The following RBFOX1 variants were observed in gnomAD, a reference collection of about 807,000 sequenced individuals.
RBFOX1 encodes RNA binding fox-1 homolog 1.
In RBFOX1, 8 loss-of-function variants were observed where a neutral mutation model predicts 57.7. The ratio of observed to expected loss-of-function variants is 0.14; its 90% CI spans 0.08 to 0.25. The LOEUF is 0.25. RBFOX1 is among the 10% of genes least tolerant of loss of function. The pLI is 1.00. For synonymous variants in RBFOX1, 326 were observed against 222.4 expected (o/e 1.47, Z -4.15); for missense variants, 611 against 548.5 (o/e 1.11, Z -1.14).
At chr16:7,659,648 G>A (rs1443547909) in intron 12 of RBFOX1, among the ~76,000 whole-genome samples, 1 of 152,176 alleles carries the variant, frequency 6.6e-6, no homozygotes, top group Non-Finnish European at 1.5e-5. Flanking sequence ...GATTTGTGTT[G>A]GGGCTGCATT....
intron 4 of RBFOX1, among the ~76,000 whole-genome samples, chr16:7,344,584 GATA>G (rs1037763172): frequency 3.3e-5 from 5 of 151,338 alleles, no homozygotes; most frequent in African/African-American, 9.7e-5. Context: ...TAATATAAAT[GATA>G]ATAATAATTA....
chr16:7,607,652 C>G (rs1055225971), intron 10 of RBFOX1, among the ~76,000 whole-genome samples: 1 of 152,092 alleles, frequency 6.6e-6, no homozygotes, highest in Non-Finnish European at 1.5e-5. Context: ...CTGCTCACAC[C>G]CATTGTATTT....
chr16:6,877,626 A>G (rs1375227538), intron 3 of RBFOX1, among the ~76,000 whole-genome samples: 1 of 152,174 alleles, frequency 6.6e-6, no homozygotes. Context: ...ATTGCTTTAG[A>G]GTTCACAAAG....
chr16:6,940,884 T>TGTTTGTGG (rs1264502678), intron 3 of RBFOX1, among the ~76,000 whole-genome samples: 3 of 150,376 alleles, frequency 2.0e-5, no homozygotes, highest in Non-Finnish European at 4.4e-5. Flanking sequence ...TGTGTGTGTG[T>TGTTTGTGG]GTGTGTTAGA....
intron 3 of RBFOX1, among the ~76,000 whole-genome samples, chr16:6,672,519 G>A (rs570635494): frequency 6.7e-6 from 1 of 150,178 alleles, no homozygotes; most frequent in South Asian, 2.1e-4. Context: ...GAAGATGGGA[G>A]AAAAAAGAAA....
chr16:7,593,649 G>A (rs1441195651), intron 7 of RBFOX1, among the ~76,000 whole-genome samples: 1 of 150,680 alleles, frequency 6.6e-6, no homozygotes, highest in African/African-American at 2.5e-5. Flanking sequence ...GAACTGTGCA[G>A]GTCCACTTAC....
At chr16:7,040,972 A>G (rs184801226) in intron 3 of RBFOX1, among the ~76,000 whole-genome samples, 33 of 151,554 alleles carry the variant, frequency 2.2e-4, no homozygotes, top group South Asian at 4.2e-4. Context: ...CTGGAGTGCA[A>G]TGATGCAATC....
intron 4 of RBFOX1, among the ~76,000 whole-genome samples, chr16:5,915,514 C>A (rs1405010087): frequency 3.3e-5 from 5 of 152,126 alleles, no homozygotes. Flanking sequence ...AGAGGACCTA[C>A]TTTTAGTAGG....
intron 3 of RBFOX1, among the ~76,000 whole-genome samples, chr16:6,699,542 A>G (rs1428966984): frequency 6.6e-6 from 1 of 152,194 alleles, no homozygotes; most frequent in Admixed American, 6.5e-5. Flanking sequence ...CTGGTTGGGC[A>G]CTCCAGTAAC....
At chr16:6,837,576 G>A (rs1603630662) in intron 3 of RBFOX1, among the ~76,000 whole-genome samples, 1 of 152,178 alleles carries the variant, frequency 6.6e-6, no homozygotes, top group African/African-American at 2.4e-5. Context: ...GCTCAGACTG[G>A]TTTTGAGCCT....
chr16:6,566,235 A>G (rs2097264227), intron 2 of RBFOX1, among the ~76,000 whole-genome samples: 1 of 152,202 alleles, frequency 6.6e-6, no homozygotes, highest in African/African-American at 2.4e-5. Flanking sequence ...AAAGCAACTG[A>G]GATCCACCAC....
chr16:6,084,287 A>C (rs1258109272), intron 1 of RBFOX1, among the ~76,000 whole-genome samples: 2 of 152,162 alleles, frequency 1.3e-5, no homozygotes, highest in African/African-American at 4.8e-5. Context: ...TCTGTCGCCC[A>C]GGCTGGAGAG....
At chr16:6,566,889 A>G (rs1008092842) in intron 2 of RBFOX1, among the ~76,000 whole-genome samples, 2 of 152,154 alleles carry the variant, frequency 1.3e-5, no homozygotes, top group Non-Finnish European at 2.9e-5. Flanking sequence ...TATTTTCCCC[A>G]TATCTTTTTT....
At chr16:7,555,029 G>A (rs1477964921) in intron 5 of RBFOX1, among the ~76,000 whole-genome samples, 1 of 152,134 alleles carries the variant, frequency 6.6e-6, no homozygotes, top group East Asian at 1.9e-4. Context: ...CCTGGTAATT[G>A]TTTTTGGTCA....
At chr16:6,647,332 G>A (rs375267093) in intron 2 of RBFOX1, among the ~76,000 whole-genome samples, 18 of 152,134 alleles carry the variant, frequency 1.2e-4, no homozygotes, top group South Asian at 4.1e-4. Flanking sequence ...TGCAACTTCC[G>A]CCTCCTGGGT....
chr16:7,034,841 C>A lies in RBFOX1; in HGVS notation c.-15-17216C>A, dbSNP rs200993461. 4.1e-4 allele frequency among the ~76,000 whole-genome samples: 16 copies of A among 39,160 alleles called. 2 individuals carry two copies. Among genetic ancestry groups the A allele is most frequent in the Non-Finnish European group, 6.7e-4 (15 of 22,496 alleles). 25.7% of individuals were successfully genotyped at this position (39,160 alleles called of 152,430 possible). A position where few individuals can be genotyped will look rare whatever the true frequency, so the allele number is the denominator to read the frequency against. On this transcript the variant is annotated intron_variant, in intron 3 of 15. Transcript: ENST00000550418. ...ATATTGCATTACTTTTTTTTTTTTT[C>A]TTTTTTCTTTTTTTTTTTTTTTTTT...
intron 3 of RBFOX1, among the ~76,000 whole-genome samples, chr16:6,942,654 GAGA>G (rs1167767265): frequency 1.3e-5 from 2 of 152,268 alleles, no homozygotes; most frequent in East Asian, 3.9e-4. Flanking sequence ...AGTGGACAGC[GAGA>G]AGGATAAGAT....
intron 4 of RBFOX1, among the ~76,000 whole-genome samples, chr16:7,325,324 C>T (rs2096597383): frequency 6.6e-6 from 1 of 152,132 alleles, no homozygotes; most frequent in Non-Finnish European, 1.5e-5. Context: ...GTGATGTGCA[C>T]GGGAACACAC....
chr16:7,689,357 G>T (rs2076833758), intron 14 of RBFOX1, among the ~76,000 whole-genome samples: 1 of 152,098 alleles, frequency 6.6e-6, no homozygotes, highest in Non-Finnish European at 1.5e-5. Context: ...GTGAAAATGG[G>T]AATGAACTTG....
Sources: gnomAD v4.1 joint callset for allele counts (sites outside exome capture counted in the v4.1 genomes callset) on GRCh38, gnomAD v4.1.1 for gene constraint, MANE v1.5 for transcripts, NCBI Gene and HGNC (gene_info 2026-07-23, HGNC 2026-07-21) for gene names.